Variants in RBFOX1 observed in about 807,000 individuals in gnomAD.
RBFOX1 encodes RNA binding protein fox-1 homolog 1.
Under a neutral mutation model 57.7 loss-of-function variants are expected in RBFOX1, and 8 were observed. The ratio of observed to expected loss-of-function variants is 0.14; its 90% CI spans 0.08 to 0.25. The LOEUF (loss-of-function observed/expected upper bound fraction) is 0.25, where lower values mean the gene tolerates loss of function less well. Ranked by LOEUF, RBFOX1 falls within the 10% of genes least tolerant of loss-of-function variation. The probability of loss-of-function intolerance (pLI) is 1.00; values close to 1 mark genes in which losing one functional copy is unlikely to be tolerated. For synonymous variants in RBFOX1, 326 were observed against 222.4 expected, an observed-to-expected ratio of 1.47 and a Z score of -4.15; for missense variants, 611 against 548.5, an observed-to-expected ratio of 1.11 and a Z score of -1.14.
At chr16:6,348,479 T>G (rs2795565) in intron 2 of RBFOX1, among the ~76,000 whole-genome samples, 1 of 151,990 alleles carries the variant, frequency 6.6e-6, no homozygotes, top group African/African-American at 2.4e-5. Flanking sequence ...TGAGATGGTA[T>G]ATCAGCCTGT....
intron 3 of RBFOX1, among the ~76,000 whole-genome samples, chr16:6,868,540 C>T (rs963441259): frequency 7.9e-5 from 12 of 151,996 alleles, no homozygotes; most frequent in African/African-American, 2.2e-4. Context: ...AGTATGATAA[C>T]GGCTCACTGC....
At chr16:7,601,776 A>T (rs1323413227) in intron 9 of RBFOX1, among the ~76,000 whole-genome samples, 1 of 152,202 alleles carries the variant, frequency 6.6e-6, no homozygotes, top group African/African-American at 2.4e-5. Context: ...TCTGTCTGTG[A>T]GGCATTCTCA....
intron 4 of RBFOX1, among the ~76,000 whole-genome samples, chr16:7,115,681 A>G (rs2065751319): frequency 6.6e-6 from 1 of 152,198 alleles, no homozygotes; most frequent in Admixed American, 6.5e-5. Context: ...AAGAGGGGAC[A>G]CCCAAGACAG....
chr16:6,011,082 A>C (rs1393761132), intron 4 of RBFOX1, among the ~76,000 whole-genome samples: 4 of 152,242 alleles, frequency 2.6e-5, no homozygotes, highest in Admixed American at 6.5e-5. Context: ...ATTTGTAATA[A>C]AAAGACTAGG....
chr16:5,261,125 C>G (rs2062721389), intron 1 of RBFOX1: 2 of 152,164 alleles, frequency 1.3e-5, no homozygotes, highest in Admixed American at 6.5e-5. Context: ...AATTTTAGAC[C>G]TGATTAATTG....
At chr16:7,544,301 A>G (rs11859066) in intron 5 of RBFOX1, among the ~76,000 whole-genome samples, 5,013 of 152,296 alleles carry the variant, frequency 0.033, 242 homozygotes, top group African/African-American at 0.11. Flanking sequence ...CTTACTGGCT[A>G]TGTCACCTGG....
chr16:5,424,109 G>A lies in RBFOX1; in HGVS notation c.220-43107G>A, dbSNP rs2067439347. Reference sequence around the variant, plus strand: ...GTTTATCCCCACTATGTGCCTCTCAGTAGCTATTCAATCAGTAATCCCTCA... The same window carrying A: ...GTTTATCCCCACTATGTGCCTCTCAATAGCTATTCAATCAGTAATCCCTCA... On this transcript the variant is annotated intron_variant, in intron 1 of 2. Transcript: ENST00000585867. Among the ~76,000 whole-genome samples the A allele has an allele frequency of 2.0e-5, 3 of 152,280 alleles. No homozygotes were observed. In the South Asian group the frequency reaches 6.2e-4, roughly 32 times the overall value.
At chr16:7,699,104 C>T (rs140031286) in intron 14 of RBFOX1, among the ~76,000 whole-genome samples, 28 of 152,254 alleles carry the variant, frequency 1.8e-4, no homozygotes, top group Admixed American at 1.4e-3. Flanking sequence ...GGAGAGGGAG[C>T]CTGGAAATCT....
chr16:6,087,693 C>T (rs1295383677), intron 1 of RBFOX1, among the ~76,000 whole-genome samples: 5 of 148,102 alleles, frequency 3.4e-5, no homozygotes, highest in African/African-American at 1.2e-4. Flanking sequence ...CTTGCTCTTT[C>T]ACCAGGCTGG....
At chr16:5,611,730 C>CCATG (rs2047806013) in intron 3 of RBFOX1, among the ~76,000 whole-genome samples, 1 of 143,904 alleles carries the variant, frequency 6.9e-6, no homozygotes, top group Non-Finnish European at 1.5e-5. Context: ...ATCCATCCAT[C>CCATG]CATCCATCCA....
intron 3 of RBFOX1, among the ~76,000 whole-genome samples, chr16:7,036,148 A>G (rs147874231): frequency 2.0e-5 from 3 of 151,992 alleles, no homozygotes; most frequent in African/African-American, 7.2e-5. Flanking sequence ...GGTGCCTTCT[A>G]TCCCTATTTC....
At chr16:5,802,282 C>G (rs1374524628) in intron 3 of RBFOX1, among the ~76,000 whole-genome samples, 11 of 152,128 alleles carry the variant, frequency 7.2e-5, no homozygotes, top group African/African-American at 1.2e-4. Flanking sequence ...CTCTTCTCCC[C>G]CTTTAGATAC....
intron 14 of RBFOX1, among the ~76,000 whole-genome samples, chr16:7,701,662 G>T (rs1028414240): frequency 3.3e-5 from 5 of 152,166 alleles, no homozygotes; most frequent in African/African-American, 9.7e-5. Context: ...AAGCTTTGAG[G>T]ATAAGTGAGC....
At chr16:6,160,802 T>A (rs1361862897) in intron 1 of RBFOX1, among the ~76,000 whole-genome samples, 2 of 152,196 alleles carry the variant, frequency 1.3e-5, no homozygotes, top group Non-Finnish European at 2.9e-5. Context: ...CACTTGCTGA[T>A]CTCTCTTGAT....
chr16:5,350,736 G>C (rs2065244530), intron 1 of RBFOX1, among the ~76,000 whole-genome samples: 1 of 152,072 alleles, frequency 6.6e-6, no homozygotes, highest in African/African-American at 2.4e-5. Flanking sequence ...CATGGTAGTG[G>C]GCGCCTGTAA....
chr16:5,871,829 C>T (rs958571928), intron 4 of RBFOX1, among the ~76,000 whole-genome samples: 7 of 152,280 alleles, frequency 4.6e-5, no homozygotes, highest in Admixed American at 3.3e-4. Context: ...CAGTGGAGGG[C>T]CTCAATTTTG....
intron 3 of RBFOX1, among the ~76,000 whole-genome samples, chr16:6,660,915 G>A (rs546514362): frequency 1.8e-4 from 27 of 152,268 alleles, no homozygotes; most frequent in African/African-American, 4.8e-4. Flanking sequence ...TTTCACAAAG[G>A]AAGAGGATCC....
At chr16:7,445,027 T>C (rs1255146305) in intron 4 of RBFOX1, among the ~76,000 whole-genome samples, 1 of 152,018 alleles carries the variant, frequency 6.6e-6, no homozygotes, top group Non-Finnish European at 1.5e-5. Flanking sequence ...TTTTTTCTTC[T>C]TTTTTTCTTT....
intron 4 of RBFOX1, among the ~76,000 whole-genome samples, chr16:7,240,125 C>A (rs112779420): frequency 7.9e-5 from 12 of 152,240 alleles, no homozygotes; most frequent in African/African-American, 2.9e-4. Flanking sequence ...CGCCACCACG[C>A]CTGGCTAATT....
Sources: gnomAD v4.1 joint callset for allele counts (sites outside exome capture counted in the v4.1 genomes callset) on GRCh38, gnomAD v4.1.1 for gene constraint, MANE v1.5 for transcripts, NCBI Gene and HGNC (gene_info 2026-07-23, HGNC 2026-07-21) for gene names.